The following ZBTB10 variants were observed in gnomAD, a reference collection of about 807,000 sequenced individuals.
The protein encoded by ZBTB10 is zinc finger and BTB domain containing 10, also known as zinc finger and BTB domain-containing protein 10.
In ZBTB10, 32 loss-of-function variants were observed where a neutral mutation model predicts 76.4. The ratio of observed to expected loss-of-function variants is 0.42; its 90% CI spans 0.32 to 0.56. ZBTB10 has a LOEUF of 0.56. Among genes scored for constraint, ZBTB10 ranks in the 20% least tolerant of loss-of-function variants. ZBTB10 has a pLI of 0.14. For missense variants in ZBTB10, 1,057 were observed against 1,098.5 expected (o/e 0.96, Z 0.53); for synonymous variants, 523 against 432.9 (o/e 1.21, Z -2.58).
chr8:80,485,972 G>A (rs539981973), upstream of ZBTB10: 7,689 of 1,207,926 alleles, frequency 6.4e-3, 52 homozygotes, highest in South Asian at 0.021. Context: ...GCACACGCCC[G>A]CCCCCTCCCT....
At chr8:80,487,806 T>C in intron 1 of ZBTB10, 24 bp downstream of exon 1, 1 of 1,526,268 alleles carries the variant, frequency 6.6e-7, no homozygotes, top group Non-Finnish European at 8.8e-7. Context: ...TGCTCCTACT[T>C]TTTTGAGATC....
At position 80,526,081 on chromosome 8, in the gene ZBTB10, A is replaced by G. The variant is rs1012284161; in HGVS notation, c.*6553A>G. 1 of 152,154 alleles carries G rather than the reference A, an allele frequency of 6.6e-6. No homozygotes were observed. The allele number at this position is 152,154 out of a possible 1,614,324, so 9.4% of individuals were successfully genotyped here. A position where few individuals can be genotyped will look rare whatever the true frequency, so the allele number is the denominator to read the frequency against. Reference sequence around the variant, plus strand: ...GTGATTTTTTTTTTAAACCGTCTCCATAACAGAACACTTAGAATTATTAGC... The same window carrying G: ...GTGATTTTTTTTTTAAACCGTCTCCGTAACAGAACACTTAGAATTATTAGC... On this transcript the variant is annotated 3_prime_UTR_variant, in exon 6 of 6. Transcript: ENST00000455036.
rs1023645445 is a variant in ZBTB10 at position 80,486,537 on chromosome 8, G to C, written c.-274G>C. 11 of 985,858 alleles carry C rather than the reference G, an allele frequency of 1.1e-5. No individual in the cohort carries two copies. Among genetic ancestry groups the C allele is most frequent in the African/African-American group, 7.0e-5 (4 of 57,218 alleles). The allele number at this position is 985,858 out of a possible 1,614,324, so 61.1% of individuals were successfully genotyped here. A position where few individuals can be genotyped will look rare whatever the true frequency, so the allele number is the denominator to read the frequency against. On this transcript the variant is annotated 5_prime_UTR_variant, in exon 1 of 6. Transcript: ENST00000455036. ...CCGCCGCCCGCCCCCTTCTCCGCGC[G>C]GGACGCTGCCCGGAGCGCGGCGGGG... is the stretch of plus-strand genomic sequence containing the variant.
At chr8:80,495,820 C>T (rs972309928) in intron 1 of ZBTB10, among the ~76,000 whole-genome samples, 1 of 152,110 alleles carries the variant, frequency 6.6e-6, no homozygotes, top group Non-Finnish European at 1.5e-5. Context: ...TGGACACTTA[C>T]CTATATTTTC....
chr8:80,506,388 T>G (rs957856936), intron 2 of ZBTB10, among the ~76,000 whole-genome samples: 1 of 152,100 alleles, frequency 6.6e-6, no homozygotes, highest in Non-Finnish European at 1.5e-5. Context: ...TGATCTTGGC[T>G]CACTGCAACC....
intron 3 of ZBTB10, among the ~76,000 whole-genome samples, chr8:80,517,854 T>C (rs1816364249): frequency 6.7e-6 from 1 of 150,262 alleles, no homozygotes; most frequent in Non-Finnish European, 1.5e-5. Context: ...TTCATGTTTT[T>C]TTCTCCCGCC....
rs763215977 is a variant in ZBTB10 at position 80,500,001 on chromosome 8, C to T, written c.1480C>T (p.Arg494Trp). ...PVNRDGLSSS[R>W]DQKIASFWAT... is the part of the protein sequence containing the mutation. ...TAATAGAGATGGTCTGTCTTCATCA[C>T]GGGATCAAAAAATTGCCAGTTTTTG... The change falls in exon 2 of 6, where the codon CGG becomes TGG. Residue 494 changes from arginine (R) to tryptophan (W), a missense_variant. By Grantham distance (101) the Arg-to-Trp change is moderately radical. Coordinates refer to ENST00000455036, the MANE Select transcript of ZBTB10 (RefSeq NM_001105539.3). 3.5e-5 allele frequency: 57 copies of T among 1,613,894 alleles called. No individual in the cohort carries two copies. The highest frequency in any genetic ancestry group is 7.7e-5 in the South Asian group (7 of 91,086).
Position 80,499,395 on chromosome 8 carries a change from A to T in ZBTB10, c.973-99A>T, listed in dbSNP as rs938113308. 9.5e-6 allele frequency: 12 copies of T among 1,262,856 alleles called. No individual in the cohort carries two copies. The African/African-American group carries it at 1.1e-4, about 11-fold the overall frequency. 78.2% of individuals were successfully genotyped at this position (1,262,856 alleles called of 1,614,324 possible). A position where few individuals can be genotyped will look rare whatever the true frequency, so the allele number is the denominator to read the frequency against. ...GATTACTCACAAATTAATATATTTG[A>T]TTATCGCTTTTTAAAAACTTGATAA... On this transcript the variant is annotated intron_variant, in intron 1 of 5. Coordinates refer to ENST00000455036, the MANE Select transcript of ZBTB10 (RefSeq NM_001105539.3).
At chr8:80,490,548 A>G (rs1815601512) in intron 1 of ZBTB10, among the ~76,000 whole-genome samples, 1 of 152,124 alleles carries the variant, frequency 6.6e-6, no homozygotes, top group Admixed American at 6.5e-5. Context: ...GTTATTACTC[A>G]TTTTGATCAC....
intron 2 of ZBTB10, among the ~76,000 whole-genome samples, chr8:80,502,684 A>G (rs1815954466): frequency 6.6e-6 from 1 of 152,190 alleles, no homozygotes; most frequent in Non-Finnish European, 1.5e-5. Context: ...TAGGGTATAT[A>G]ATATGATATA....
In ZBTB10 at chr8:80,487,002, C is replaced by T; in HGVS notation, c.192C>T (p.Asp64=). The stretch of plus-strand genomic sequence containing the variant: ...AGCCGCCTAATGGGCGGGGGGCCGA[C>T]GAGGAAGTGGAATTGGAGGGCCTGG... ...ALQPPNGRGA[D]EEVELEGLEP... Residue 64 remains aspartate (D), a synonymous_variant, in exon 1 of 6, where the codon GAC becomes GAT. Coordinates refer to ENST00000455036, the MANE Select transcript of ZBTB10 (RefSeq NM_001105539.3). 1 of 1,513,324 alleles carries T rather than the reference C, an allele frequency of 6.6e-7. No homozygotes were observed. The highest frequency in any genetic ancestry group is 8.8e-7 in the Non-Finnish European group (1 of 1,136,328). The allele number at this position is 1,513,324 out of a possible 1,614,324, so 93.7% of individuals were successfully genotyped here.
rs765861770 is a variant in ZBTB10 at position 80,499,564 on chromosome 8, A to G, written c.1043A>G (p.Tyr348Cys). Residue 348 changes from tyrosine to cysteine, a missense_variant, in exon 2 of 6, where the codon TAT becomes TGT. Tyr to Cys is a radical substitution (Grantham distance 194). Around this residue, in one of 5 missense-constraint regions of ZBTB10, gnomAD observed 86 missense variants for 145.7 expected, o/e 0.59. Coordinates refer to ENST00000455036, the MANE Select transcript of ZBTB10 (RefSeq NM_001105539.3). ...AGGCCAAATGAGAACTCTTATTGCT[A>G]TCAACTTCTGCGACAACTAAATGAA... Reference protein sequence around the residue: ...NSRPNENSYCYQLLRQLNEQR... With the variant: ...NSRPNENSYCCQLLRQLNEQR... The G allele has an allele frequency of 1.7e-5, 28 of 1,613,834 alleles. No homozygotes were observed. The highest frequency in any genetic ancestry group is 3.3e-5 in the Admixed American group (2 of 59,996).
chr8:80,498,555 A>G (rs1037671712), intron 1 of ZBTB10, among the ~76,000 whole-genome samples: 3 of 152,156 alleles, frequency 2.0e-5, no homozygotes, highest in Non-Finnish European at 4.4e-5. Context: ...GCCTTGAGGG[A>G]GCTTACCCAC....
chr8:80,522,352 GAA>G lies in ZBTB10; in HGVS notation c.*2828_*2829del, dbSNP rs1223820760. On this transcript the variant is annotated 3_prime_UTR_variant, in exon 6 of 6. Coordinates refer to ENST00000455036, the MANE Select transcript of ZBTB10 (RefSeq NM_001105539.3). ...GTCTCTTGTAATTTATATTTTAAATGAAAAAGTATTTTAGAGCTTTTAATGAA... is the reference window on the plus strand; with the variant it reads ...GTCTCTTGTAATTTATATTTTAAATGAAAGTATTTTAGAGCTTTTAATGAA... 1.3e-5 allele frequency: 2 copies of G among 151,800 alleles called. No individual in the cohort carries two copies. Among genetic ancestry groups the G allele is most frequent in the Non-Finnish European group, 2.9e-5 (2 of 67,822 alleles). The allele number at this position is 151,800 out of a possible 1,614,324, so 9.4% of individuals were successfully genotyped here.
At chr8:80,489,592 C>T (rs1815571503) in intron 1 of ZBTB10, among the ~76,000 whole-genome samples, 1 of 152,122 alleles carries the variant, frequency 6.6e-6, no homozygotes, top group Non-Finnish European at 1.5e-5. Context: ...GAAGAAGGGG[C>T]ATTAATTGGA....
Position 80,521,433 on chromosome 8 carries a change from GT to G in ZBTB10, c.*1906del, listed in dbSNP as rs1377381299. 1.3e-5 allele frequency: 2 copies of G among 151,730 alleles called. No individual in the cohort carries two copies. The highest frequency in any genetic ancestry group is 3.0e-5 in the Non-Finnish European group (2 of 67,742). The allele number at this position is 151,730 out of a possible 1,614,324, so 9.4% of individuals were successfully genotyped here. A position where few individuals can be genotyped will look rare whatever the true frequency, so the allele number is the denominator to read the frequency against. On this transcript the variant is annotated 3_prime_UTR_variant, in exon 6 of 6. Coordinates refer to ENST00000455036, the MANE Select transcript of ZBTB10 (RefSeq NM_001105539.3). ...AACGTAAAATGTTCTTTGTGAATAT[GT>G]AAGTATAGTATAAAGATTTCTTTCA... is the stretch of plus-strand genomic sequence containing the variant.
In ZBTB10 at chr8:80,522,804, A is replaced by G. The variant is rs1466267794; in HGVS notation, c.*3276A>G. 2.0e-5 allele frequency: 3 copies of G among 151,920 alleles called. No homozygotes were observed. The highest frequency in any genetic ancestry group is 6.6e-5 in the Admixed American group (1 of 15,208). 9.4% of individuals were successfully genotyped at this position (151,920 alleles called of 1,614,324 possible). The stretch of plus-strand genomic sequence containing the variant: ...AAAGATGGGGGAAAGGAAGGAGAAA[A>G]TAGGAAATGAAAGGATTAGGACTTG... On this transcript the variant is annotated 3_prime_UTR_variant, in exon 6 of 6. Coordinates refer to ENST00000455036, the MANE Select transcript of ZBTB10 (RefSeq NM_001105539.3).
rs984262328 is a variant in ZBTB10 at position 80,514,016 on chromosome 8, C to A, written c.1960+8C>A. 3 of 1,611,060 alleles carry A rather than the reference C, an allele frequency of 1.9e-6. No homozygotes were observed. In the African/African-American group the frequency reaches 4.0e-5, roughly 22 times the overall value. On this transcript the variant is annotated splice_region_variant and intron_variant, in intron 3 of 5. Transcript: ENST00000455036. ...AAGATGGAGGTGATGCTGGTAGGTA[C>A]AGTAAGATTTTAGCAACAGTACATT...
rs1816413743 is a variant in ZBTB10, at chr8:80,519,802, A to G, written c.*274A>G. On this transcript the variant is annotated 3_prime_UTR_variant, in exon 6 of 6. Coordinates refer to ENST00000455036, the MANE Select transcript of ZBTB10 (RefSeq NM_001105539.3). ...AATATTTTTTATTTATAGGATATAC[A>G]GTAACTATTTGGGTCCTATGAAAAT... 3.5e-6 allele frequency: 1 copy of G among 289,014 alleles called. No homozygotes were observed. Among genetic ancestry groups the G allele is most frequent in the African/African-American group, 2.1e-5 (1 of 47,218 alleles). 17.9% of individuals were successfully genotyped at this position (289,014 alleles called of 1,614,324 possible).
Sources: gnomAD v4.1 joint callset for allele counts (sites outside exome capture counted in the v4.1 genomes callset) on GRCh38, gnomAD v4.1.1 for gene constraint, gnomAD v4.1.1 regional missense constraint, MANE v1.5 for transcripts, NCBI Gene and HGNC (gene_info 2026-07-23, HGNC 2026-07-21) for gene names.